FRMD1: variants seen among roughly 807,000 people sequenced by gnomAD.
The protein encoded by FRMD1 is FERM domain containing 1, also known as FERM domain-containing protein 1.
Under a neutral mutation model 54.9 loss-of-function variants are expected in FRMD1, and 51 were observed. The ratio of observed to expected loss-of-function variants is 0.93; its 90% CI spans 0.74 to 1.17. The LOEUF is 1.17. Among genes scored for constraint, FRMD1 ranks in the 50% most tolerant of loss-of-function variants. FRMD1 has a pLI of 0.00. For synonymous variants in FRMD1, 324 were observed against 306.4 expected, an observed-to-expected ratio of 1.06 and a Z score of -0.60; for missense variants, 729 against 743.0, an observed-to-expected ratio of 0.98 and a Z score of 0.22.
At chr6:168,081,811 G>A, upstream of FRMD1, 1 of 383,120 alleles carries the variant, frequency 2.6e-6, no homozygotes, top group Non-Finnish European at 4.7e-6. Flanking sequence ...GGGGCGAGGT[G>A]TCCTCTGGGG....
In FRMD1 at chr6:168,057,249, G is replaced by A; in HGVS notation, c.1498C>T (p.Pro500Ser). ...QLHQLALHPA[P>S]TSLSHTFHRA... ...TGGAAGGTATGGCTGAGTGAGGTGG[G>A]CGCTGGGTGCAGGGCCAGCTGGTGC... Residue 500 changes from proline (P) to serine (S), a missense_variant, in exon 11 of 11, where the codon CCC becomes TCC. Coordinates refer to ENST00000283309, the MANE Select transcript of FRMD1 (RefSeq NM_024919.6). 1 of 1,610,810 alleles carries A rather than the reference G, an allele frequency of 6.2e-7. No homozygotes were observed. The highest frequency in any genetic ancestry group is 1.1e-5 in the South Asian group (1 of 90,522).
chr6:168,079,144 G>A lies in FRMD1; in HGVS notation c.-50C>T, dbSNP rs1224394899. The stretch of plus-strand genomic sequence containing the variant: ...GCCATGGGTCGCAGGTGGGTGCTCA[G>A]CACCTCCCAGATCACAGCTGTGCTT... On this transcript the variant is annotated 5_prime_UTR_variant, in exon 1 of 11. Coordinates refer to ENST00000283309, the MANE Select transcript of FRMD1 (RefSeq NM_024919.6). 1 of 1,531,676 alleles carries A rather than the reference G, an allele frequency of 6.5e-7. No homozygotes were observed. The highest frequency in any genetic ancestry group is 1.4e-5 in the African/African-American group (1 of 72,926). The allele number at this position is 1,531,676 out of a possible 1,614,324, so 94.9% of individuals were successfully genotyped here.
At chr6:168,081,593 C>A, upstream of FRMD1, 1 of 1,330,618 alleles carries the variant, frequency 7.5e-7, no homozygotes, top group Non-Finnish European at 9.9e-7. Flanking sequence ...ACTCAAGCTT[C>A]GGAGCTCTAG....
In FRMD1 at chr6:168,079,060, G is replaced by A. The variant is rs147876520; in HGVS notation, c.35C>T (p.Pro12Leu). The A allele has an allele frequency of 6.2e-7, 1 of 1,609,562 alleles. No individual in the cohort carries two copies. The highest frequency in any genetic ancestry group is 8.5e-7 in the Non-Finnish European group (1 of 1,179,872). ...AVPPRGRGID[P>L]ARTNPDTFPP... is the part of the protein sequence containing the mutation. ...GAACGTGTCAGGGTTTGTCCGGGCG[G>A]GGTCTATGCCCCTCCCTCTCGGGGG... The change falls in exon 1 of 11, where the codon CCC becomes CTC. Residue 12 changes from proline (P) to leucine (L), a missense_variant. Physicochemically the swap from Pro to Leu is moderately conservative, Grantham distance 98. Coordinates refer to ENST00000283309, the MANE Select transcript of FRMD1 (RefSeq NM_024919.6).
upstream of FRMD1, among the ~76,000 whole-genome samples, chr6:168,082,630 G>A (rs1800853637): frequency 6.6e-6 from 1 of 152,180 alleles, no homozygotes; most frequent in Non-Finnish European, 1.5e-5. Context: ...GCAGCTAAGT[G>A]ACTTGTTCAG....
chr6:168,077,334 G>A (rs1275776451), intron 1 of FRMD1, among the ~76,000 whole-genome samples: 1 of 151,370 alleles, frequency 6.6e-6, no homozygotes, highest in East Asian at 2.0e-4. Context: ...ACCCCAATGA[G>A]GGGTTCCTGT....
At position 168,062,888 on chromosome 6, in the gene FRMD1, G is replaced by A. The variant is rs750664884; in HGVS notation, c.870+6C>T. 39 of 1,613,220 alleles carry A rather than the reference G, an allele frequency of 2.4e-5. 1 individual carries two copies. In the Admixed American group the frequency reaches 4.5e-4, roughly 19 times the overall value. ...GGCTCTGTGAGGCTGGAGCCCCTTC[G>A]GTCACCTGGTAGATGTGCACTCCCC... On this transcript the variant is annotated splice_donor_region_variant and intron_variant, in intron 7 of 10. Coordinates refer to ENST00000283309, the MANE Select transcript of FRMD1 (RefSeq NM_024919.6).
At position 168,076,743 on chromosome 6, in the gene FRMD1, G is replaced by A. The variant is rs574123069; in HGVS notation, c.214-1408C>T. On this transcript the variant is annotated intron_variant, in intron 1 of 10. Transcript: ENST00000283309. ...GTGAGAACAGACTAATATGATTATT[G>A]TCTGCTTAACTTGGTGAGGGGCAGG... Among the ~76,000 whole-genome samples the A allele has an allele frequency of 3.3e-5, 5 of 152,322 alleles. No individual in the cohort carries two copies. The South Asian group carries it at 1.0e-3, about 32-fold the overall frequency.
At chr6:168,083,745 C>T (rs1036952453), upstream of FRMD1, among the ~76,000 whole-genome samples, 6 of 152,204 alleles carry the variant, frequency 3.9e-5, no homozygotes, top group Non-Finnish European at 7.3e-5. Context: ...GGCAAACACA[C>T]ATCTATCTGG....
intron 9 of FRMD1, among the ~76,000 whole-genome samples, 159 bp downstream of exon 9, chr6:168,060,602 A>T (rs1799668974): frequency 6.6e-6 from 1 of 152,124 alleles, no homozygotes; most frequent in Admixed American, 6.5e-5. Flanking sequence ...GTTCTGGCAC[A>T]TTTCCTGGGA....
chr6:168,066,497 TCAAAA>T (rs748963861), intron 4 of FRMD1: 134 of 1,197,156 alleles, frequency 1.1e-4, no homozygotes, highest in East Asian at 1.9e-4. Context: ...AAACTCCGTC[TCAAAA>T]CAAAACAAAA....
At position 168,076,285 on chromosome 6, in the gene FRMD1, G is replaced by A. The variant is rs575923421; in HGVS notation, c.214-950C>T. Among the ~76,000 whole-genome samples, 54 of 152,348 alleles carry A rather than the reference G, an allele frequency of 3.5e-4. 1 individual carries two copies. Among genetic ancestry groups the A allele is most frequent in the African/African-American group, 1.2e-3 (48 of 41,592 alleles). On this transcript the variant is annotated intron_variant, in intron 1 of 10. Coordinates refer to ENST00000283309, the MANE Select transcript of FRMD1 (RefSeq NM_024919.6). ...CTGGATCTGCAGGAGGCCATTTTGC[G>A]ATTCTTCATTTGCATGTTTCAAGTC...
At chr6:168,061,643 G>A (rs1040821726) in intron 8 of FRMD1, among the ~76,000 whole-genome samples, 164 bp downstream of exon 8, 3 of 152,234 alleles carry the variant, frequency 2.0e-5, no homozygotes, top group Non-Finnish European at 4.4e-5. Flanking sequence ...CAGAGCTGGG[G>A]GCCACCACTT....
chr6:168,076,200 C>T (rs1043721240), intron 1 of FRMD1, among the ~76,000 whole-genome samples: 1 of 152,218 alleles, frequency 6.6e-6, no homozygotes, highest in Admixed American at 6.5e-5. Flanking sequence ...TCAGACTCTC[C>T]CGAGGACCCT....
chr6:168,073,905 C>T (rs1451031527), intron 2 of FRMD1, among the ~76,000 whole-genome samples: 2 of 152,068 alleles, frequency 1.3e-5, no homozygotes, highest in African/African-American at 4.8e-5. Context: ...GAGGTCAGCT[C>T]AGCCCTGTCC....
chr6:168,067,657 A>G (rs998299133), intron 2 of FRMD1: 29 of 517,652 alleles, frequency 5.6e-5, no homozygotes, highest in Admixed American at 1.5e-4. Context: ...TTACTAAAAC[A>G]ATGTTCCAAC....
intron 2 of FRMD1, among the ~76,000 whole-genome samples, chr6:168,073,915 C>T (rs1199651335): frequency 1.3e-5 from 2 of 152,086 alleles, no homozygotes; most frequent in Non-Finnish European, 2.9e-5. Context: ...CAGCCCTGTC[C>T]TCCCCAGGCA....
In FRMD1 at chr6:168,067,037, C is replaced by T. The variant is rs879734866; in HGVS notation, c.385-206G>A. 6 of 768,638 alleles carry T rather than the reference C, an allele frequency of 7.8e-6. No homozygotes were observed. The South Asian group carries it at 8.9e-5, about 11-fold the overall frequency. 47.6% of individuals were successfully genotyped at this position (768,638 alleles called of 1,614,324 possible). On this transcript the variant is annotated intron_variant, in intron 3 of 10. Transcript: ENST00000283309. ...GGACGTGGTCTACAGCGTTCAAGAA[C>T]ATCTGCAAAGGCGGGCTTCGGGCGG...
At chr6:168,068,142 A>G (rs1800138138) in intron 2 of FRMD1, among the ~76,000 whole-genome samples, 1 of 152,194 alleles carries the variant, frequency 6.6e-6, no homozygotes, top group South Asian at 2.1e-4. Flanking sequence ...CAATAAAAAT[A>G]GAGATGTCTA....
Sources: gnomAD v4.1 joint callset for allele counts (sites outside exome capture counted in the v4.1 genomes callset) on GRCh38, gnomAD v4.1.1 for gene constraint, MANE v1.5 for transcripts, NCBI Gene and HGNC (gene_info 2026-07-23, HGNC 2026-07-21) for gene names.